TBCD: variants seen among roughly 807,000 people sequenced by gnomAD.
The protein encoded by TBCD is tubulin folding cofactor D.
A neutral mutation model predicts 169.3 loss-of-function variants in TBCD; 105 were observed. The ratio of observed to expected loss-of-function variants is 0.62; its 90% confidence interval spans 0.53 to 0.73. The LOEUF (loss-of-function observed/expected upper bound fraction) is 0.73, where lower values mean the gene tolerates loss of function less well. TBCD is among the 30% of genes least tolerant of loss of function. TBCD has a pLI of 0.00. For synonymous variants in TBCD, 700 were observed against 643.9 expected, an observed-to-expected ratio of 1.09 and a Z score of -1.32; for missense variants, 1,444 against 1,600.1, an observed-to-expected ratio of 0.90 and a Z score of 1.66.
intron 13 of TBCD, among the ~76,000 whole-genome samples, chr17:82,851,871 G>A (rs1368905601): frequency 1.3e-5 from 2 of 152,204 alleles, no homozygotes; most frequent in Non-Finnish European, 2.9e-5. Context: ...GACGTTCCGA[G>A]AGAAATGTAA....
intron 5 of TBCD, 49 bp from the exon 6 acceptor site, chr17:82,772,403 G>A: frequency 6.2e-7 from 1 of 1,605,334 alleles, no homozygotes; most frequent in Non-Finnish European, 8.5e-7. Flanking sequence ...TGTCCCCAAG[G>A]CTGGCGTGTG....
intron 14 of TBCD, among the ~76,000 whole-genome samples, chr17:82,873,738 C>T (rs913449870): frequency 2.6e-5 from 4 of 152,088 alleles, no homozygotes; most frequent in African/African-American, 7.2e-5. Context: ...GGCTGGGGGC[C>T]GGCCGGTCGG....
chr17:82,810,120 A>G (rs1485263920), intron 12 of TBCD, among the ~76,000 whole-genome samples: 1 of 152,152 alleles, frequency 6.6e-6, no homozygotes, highest in Non-Finnish European at 1.5e-5. Flanking sequence ...TCGCCTACCC[A>G]TTAGCCACGT....
chr17:82,900,830 TGTC>T, intron 18 of TBCD, 99 bp downstream of exon 18: 1 of 874,128 alleles, frequency 1.1e-6, no homozygotes, highest in Non-Finnish European at 1.9e-6. Context: ...TCACTGTGGA[TGTC>T]GTATTTTAAA....
chr17:82,860,372 G>C (rs2056656829), intron 13 of TBCD: 1 of 985,486 alleles, frequency 1.0e-6, no homozygotes, highest in East Asian at 1.1e-4. Context: ...GAACTGACTG[G>C]CTCTTTTCCC....
intron 13 of TBCD, among the ~76,000 whole-genome samples, chr17:82,845,728 C>T (rs1035532935): frequency 6.6e-6 from 1 of 152,224 alleles, no homozygotes; most frequent in African/African-American, 2.4e-5. Flanking sequence ...TCCATCTTCA[C>T]CCTTTGTGAC....
intron 7 of TBCD, among the ~76,000 whole-genome samples, chr17:82,790,723 T>C (rs1375644860): frequency 3.9e-5 from 6 of 152,238 alleles, no homozygotes; most frequent in Admixed American, 3.9e-4. Context: ...CCGTTCTTCC[T>C]TCCTTGCCTC....
intron 7 of TBCD, among the ~76,000 whole-genome samples, chr17:82,793,351 C>T (rs578000470): frequency 2.5e-4 from 38 of 152,336 alleles, no homozygotes; most frequent in Admixed American, 2.3e-3. Flanking sequence ...TCTTCTGTTT[C>T]TGAGCGCTCT....
chr17:82,870,933 G>C (rs1425985626), intron 14 of TBCD, among the ~76,000 whole-genome samples: 1 of 152,260 alleles, frequency 6.6e-6, no homozygotes, highest in Non-Finnish European at 1.5e-5. Flanking sequence ...ACCAGCACTT[G>C]AGAGAATGTT....
intron 7 of TBCD, among the ~76,000 whole-genome samples, chr17:82,784,056 C>T (rs975752108): frequency 1.3e-5 from 2 of 151,472 alleles, no homozygotes; most frequent in Non-Finnish European, 2.9e-5. Flanking sequence ...ACCTGGGAGG[C>T]GGAGGTTGAG....
intron 13 of TBCD, among the ~76,000 whole-genome samples, chr17:82,818,792 C>T (rs1448556189): frequency 6.6e-6 from 1 of 152,128 alleles, no homozygotes; most frequent in East Asian, 1.9e-4. Flanking sequence ...ACAGGCTGGG[C>T]ACGGCGGCTC....
chr17:82,912,319 T>C (rs973867082), intron 23 of TBCD, among the ~76,000 whole-genome samples: 24 of 152,248 alleles, frequency 1.6e-4, no homozygotes, highest in African/African-American at 5.8e-4. Flanking sequence ...AAGCCTCTGA[T>C]ACCCCCCGGG....
intron 12 of TBCD, among the ~76,000 whole-genome samples, chr17:82,813,154 G>C (rs2051579028): frequency 6.6e-6 from 1 of 152,028 alleles, no homozygotes; most frequent in South Asian, 2.1e-4. Context: ...ACAGATAATG[G>C]CTTACTTGTC....
At chr17:82,844,385 C>T (rs1429732233) in intron 13 of TBCD, among the ~76,000 whole-genome samples, 1 of 152,132 alleles carries the variant, frequency 6.6e-6, no homozygotes, top group East Asian at 1.9e-4. Context: ...GTGTGGCTGC[C>T]TGCCTTCCAG....
chr17:82,819,630 C>G (rs1429522142), intron 13 of TBCD, among the ~76,000 whole-genome samples: 1 of 152,162 alleles, frequency 6.6e-6, no homozygotes, highest in African/African-American at 2.4e-5. Context: ...CTGCAGTGAG[C>G]CATGATCGCA....
Position 82,766,272 on chromosome 17 carries a change from A to G in TBCD, c.339A>G (p.Arg113=). The G allele has an allele frequency of 1.2e-6, 2 of 1,609,606 alleles. No individual in the cohort carries two copies. Among genetic ancestry groups the G allele is most frequent in the Non-Finnish European group, 1.7e-6 (2 of 1,177,676 alleles). ...AGCATCTCTTTATTTGATAGGTTCG[A>G]GGCTATAAAACATTTCTTCGTTTAT... ...FKFLYIITKV[R]GYKTFLRLFP... The change falls in exon 4 of 39, where the codon CGA becomes CGG. Residue 113 remains arginine, a synonymous_variant. Coordinates refer to ENST00000355528, the MANE Select transcript of TBCD (RefSeq NM_005993.5).
intron 13 of TBCD, among the ~76,000 whole-genome samples, chr17:82,855,071 G>A (rs2056136298): frequency 2.0e-5 from 3 of 151,596 alleles, no homozygotes; most frequent in African/African-American, 4.9e-5. Context: ...GCCTTCCTCC[G>A]CCTGCCAGCT....
At chr17:82,914,400 G>T (rs2060880709) in intron 23 of TBCD, among the ~76,000 whole-genome samples, 1 of 152,212 alleles carries the variant, frequency 6.6e-6, no homozygotes, top group Non-Finnish European at 1.5e-5. Context: ...TCACGGCAGG[G>T]TGTGGATTGC....
intron 30 of TBCD, among the ~76,000 whole-genome samples, chr17:82,928,340 G>A (rs1484886160): frequency 6.6e-6 from 1 of 152,220 alleles, no homozygotes; most frequent in Non-Finnish European, 1.5e-5. Context: ...CTGAACCTGG[G>A]GGTCTGCTCC....
Sources: gnomAD v4.1 joint callset for allele counts (sites outside exome capture counted in the v4.1 genomes callset) on GRCh38, gnomAD v4.1.1 for gene constraint, MANE v1.5 for transcripts, NCBI Gene and HGNC (gene_info 2026-07-23, HGNC 2026-07-21) for gene names.